Variants in MSH3 observed in about 807,000 individuals in gnomAD.
The protein encoded by MSH3 is mutS homolog 3.
In MSH3, 106 loss-of-function variants were observed where a neutral mutation model predicts 123.3. The observed-to-expected ratio is 0.86, with a 90% CI of 0.73 to 1.01. The LOEUF (loss-of-function observed/expected upper bound fraction) is 1.01. Among genes scored for constraint, MSH3 ranks in the 50% least tolerant of loss-of-function variants. The pLI is 0.00. For missense variants in MSH3, 1,459 were observed against 1,347.6 expected, an observed-to-expected ratio of 1.08 and a Z score of -1.29; for synonymous variants, 515 against 481.4, an observed-to-expected ratio of 1.07 and a Z score of -0.91.
intron 1 of MSH3, among the ~76,000 whole-genome samples, chr5:80,656,097 A>T (rs2112801085): frequency 6.6e-6 from 1 of 152,334 alleles, no homozygotes; most frequent in Non-Finnish European, 1.5e-5. Context: ...AGCATATGTA[A>T]GTAGGGTGAT....
chr5:80,854,446 GATTAA>G (rs1314141802), intron 21 of MSH3, 130 bp downstream of exon 21: 4 of 783,596 alleles, frequency 5.1e-6, no homozygotes, highest in African/African-American at 3.5e-5. Context: ...AATATGGAGT[GATTAA>G]ATTAACCTAA....
chr5:80,763,502 G>A (rs1304324371), intron 13 of MSH3, among the ~76,000 whole-genome samples: 1 of 152,202 alleles, frequency 6.6e-6, no homozygotes, highest in African/African-American at 2.4e-5. Context: ...CAATGTGGGT[G>A]CCAAACCATT....
intron 20 of MSH3, among the ~76,000 whole-genome samples, chr5:80,836,224 A>T (rs573555088): frequency 6.6e-6 from 1 of 152,202 alleles, no homozygotes; most frequent in African/African-American, 2.4e-5. Flanking sequence ...AATTTTGGAC[A>T]TTCACAAAAT....
chr5:80,712,227 C>T (rs909190441), intron 8 of MSH3, among the ~76,000 whole-genome samples: 1 of 152,130 alleles, frequency 6.6e-6, no homozygotes, highest in African/African-American at 2.4e-5. Flanking sequence ...TCTGGGAGCT[C>T]CTGTATAAAT....
chr5:80,781,904 A>G (rs1406941269), intron 17 of MSH3, among the ~76,000 whole-genome samples: 1 of 152,174 alleles, frequency 6.6e-6, no homozygotes, highest in Non-Finnish European at 1.5e-5. Flanking sequence ...AGAGTTGCGA[A>G]GAGTGAGCTA....
intron 22 of MSH3, among the ~76,000 whole-genome samples, chr5:80,871,330 G>A (rs1746212279): frequency 6.6e-6 from 1 of 152,178 alleles, no homozygotes; most frequent in African/African-American, 2.4e-5. Flanking sequence ...CCAAAACATA[G>A]CGGCTTAGAA....
chr5:80,671,738 G>A (rs1197219535), intron 4 of MSH3, among the ~76,000 whole-genome samples: 1 of 152,154 alleles, frequency 6.6e-6, no homozygotes, highest in African/African-American at 2.4e-5. Flanking sequence ...GAATCACATG[G>A]TGCTTCATGG....
chr5:80,866,795 G>A lies in MSH3; in HGVS notation c.3130+1853G>A, dbSNP rs140406289. On this transcript the variant is annotated intron_variant, in intron 22 of 23. Coordinates refer to ENST00000265081, the MANE Select transcript of MSH3 (RefSeq NM_002439.5). The stretch of plus-strand genomic sequence containing the variant: ...ATTGCTTACTGATGAGCCAAGTTTG[G>A]AGACAAGTACATTTCTTTCTTTTAC... Among the ~76,000 whole-genome samples the A allele has an allele frequency of 5.3e-5, 8 of 152,148 alleles. 1 individual carries two copies. The highest frequency in any genetic ancestry group is 1.9e-4 in the African/African-American group (8 of 41,540).
intron 12 of MSH3, among the ~76,000 whole-genome samples, chr5:80,759,287 A>G (rs1257418020): frequency 6.6e-6 from 1 of 152,210 alleles, no homozygotes; most frequent in African/African-American, 2.4e-5. Flanking sequence ...AGACGGTAGT[A>G]TGGGAAATGA....
At position 80,813,690 on chromosome 5, in the gene MSH3, A is replaced by T; in HGVS notation, c.2762A>T (p.Tyr921Phe). Residue 921 changes from tyrosine to phenylalanine, a missense_variant, in exon 20 of 24, where the codon TAT (tyrosine) becomes TTT (phenylalanine). By Grantham distance (22) the Tyr-to-Phe change is conservative. Coordinates refer to ENST00000265081, the MANE Select transcript of MSH3 (RefSeq NM_002439.5). ...LITIMAQIGS[Y>F]VPAEEATIGI... ...ACCATCATGGCTCAGATTGGCTCCT[A>T]TGTTCCTGCAGAAGAAGCGACAATT... 5 of 1,614,178 alleles carry T rather than the reference A, an allele frequency of 3.1e-6. No individual in the cohort carries two copies. Among genetic ancestry groups the T allele is most frequent in the Non-Finnish European group, 3.4e-6 (4 of 1,180,024 alleles).
At chr5:80,715,425 T>C (rs1176389225) in intron 8 of MSH3, 1 of 152,180 alleles carries the variant, frequency 6.6e-6, no homozygotes, top group Non-Finnish European at 1.5e-5. Context: ...AAAAAATTAC[T>C]TTTTAACATT....
chr5:80,731,798 TCTC>T (rs1345762729), intron 10 of MSH3, among the ~76,000 whole-genome samples: 1 of 152,160 alleles, frequency 6.6e-6, no homozygotes, highest in Non-Finnish European at 1.5e-5. Context: ...AAATGAATAT[TCTC>T]CTTGTAGATG....
rs545385542 is a variant in MSH3 at position 80,688,310 on chromosome 5, T to G, written c.1340+9217T>G. On this transcript the variant is annotated intron_variant, in intron 8 of 23. Transcript: ENST00000265081. Reference sequence around the variant, plus strand: ...TTAATGTTGGGGAATAAGAATAACCTCTACTATGTTTACTTTCAGTGTTAG... The same window carrying G: ...TTAATGTTGGGGAATAAGAATAACCGCTACTATGTTTACTTTCAGTGTTAG... Among the ~76,000 whole-genome samples the G allele has an allele frequency of 2.4e-4, 37 of 152,352 alleles. 1 individual carries two copies. The highest frequency in any genetic ancestry group is 8.7e-4 in the African/African-American group (36 of 41,578).
chr5:80,782,592 A>T (rs1344469303), intron 17 of MSH3, among the ~76,000 whole-genome samples: 1 of 152,188 alleles, frequency 6.6e-6, no homozygotes. Flanking sequence ...GGGATGACTG[A>T]GCATGATTTC....
intron 21 of MSH3, among the ~76,000 whole-genome samples, chr5:80,862,605 A>T (rs938706355): frequency 2.0e-5 from 3 of 152,136 alleles, no homozygotes; most frequent in East Asian, 3.9e-4. Flanking sequence ...AAATAAAAAC[A>T]AAAAATTAGC....
At chr5:80,868,722 A>G (rs1015815670) in intron 22 of MSH3, among the ~76,000 whole-genome samples, 1 of 150,826 alleles carries the variant, frequency 6.6e-6, no homozygotes, top group Non-Finnish European at 1.5e-5. Flanking sequence ...TCCGTGACAC[A>G]AGTTTACCTC....
chr5:80,855,835 T>TTCC (rs969901861), intron 21 of MSH3: 1 of 152,160 alleles, frequency 6.6e-6, no homozygotes, highest in African/African-American at 2.4e-5. Context: ...GTTGTTGTTG[T>TTCC]TCCTCCTCCT....
At chr5:80,842,365 T>A (rs915620719) in intron 20 of MSH3, among the ~76,000 whole-genome samples, 1 of 152,208 alleles carries the variant, frequency 6.6e-6, no homozygotes, top group Non-Finnish European at 1.5e-5. Flanking sequence ...TTCTTTTTGC[T>A]TAGGATTGTC....
chr5:80,693,654 CAT>C (rs1371298411), intron 8 of MSH3, among the ~76,000 whole-genome samples: 8 of 149,274 alleles, frequency 5.4e-5, no homozygotes, highest in African/African-American at 7.4e-5. Context: ...CACACAAACA[CAT>C]ATATATATAT....
Sources: gnomAD v4.1 joint callset for allele counts (sites outside exome capture counted in the v4.1 genomes callset) on GRCh38, gnomAD v4.1.1 for gene constraint, MANE v1.5 for transcripts, NCBI Gene and HGNC (gene_info 2026-07-23, HGNC 2026-07-21) for gene names.